The following UFL1 variants were observed in gnomAD, a reference collection of about 807,000 sequenced individuals.
UFL1 encodes the protein E3 UFM1-protein ligase 1.
UFL1 carries 78 observed loss-of-function variants against 99.3 expected under a neutral mutation model. The ratio of observed to expected loss-of-function variants is 0.79; its 90% CI spans 0.65 to 0.95. The LOEUF (loss-of-function observed/expected upper bound fraction) is 0.95, where lower values mean the gene tolerates loss of function less well. UFL1 is among the 40% of genes least tolerant of loss of function. The pLI is 0.00. For synonymous variants in UFL1, 335 were observed against 322.2 expected (o/e 1.04, Z -0.42); for missense variants, 936 against 937.0 (o/e 1.00, Z 0.01).
At chr6:96,535,900 C>T (rs534903657) in intron 7 of UFL1, among the ~76,000 whole-genome samples, 6 of 152,018 alleles carry the variant, frequency 3.9e-5, no homozygotes, top group Admixed American at 6.6e-5. Context: ...AGTGTTTTAT[C>T]ATCTGTTTTT....
intron 5 of UFL1, among the ~76,000 whole-genome samples, chr6:96,527,254 C>G: frequency 6.6e-6 from 1 of 152,234 alleles, no homozygotes; most frequent in Middle Eastern, 3.4e-3. Context: ...TATTTGACAT[C>G]AGGAAAATCA....
chr6:96,532,533 C>T (rs1324017670), intron 6 of UFL1, among the ~76,000 whole-genome samples: 4 of 152,194 alleles, frequency 2.6e-5, no homozygotes, highest in Non-Finnish European at 5.9e-5. Flanking sequence ...GATTAATGCC[C>T]TCCCACCAGG....
intron 10 of UFL1, among the ~76,000 whole-genome samples, chr6:96,539,301 A>G (rs78138615): frequency 1.8e-3 from 274 of 151,738 alleles, no homozygotes; most frequent in Middle Eastern, 3.4e-3. Flanking sequence ...GTATTTTGAA[A>G]TAGAGGTCCT....
At chr6:96,528,979 T>C (rs1305334284) in intron 6 of UFL1, among the ~76,000 whole-genome samples, 2 of 152,222 alleles carry the variant, frequency 1.3e-5, no homozygotes, top group Non-Finnish European at 2.9e-5. Context: ...CAGAAGAATT[T>C]GGTTCATAGC....
At chr6:96,544,291 A>T (rs78226793) in intron 12 of UFL1, among the ~76,000 whole-genome samples, 1 of 150,810 alleles carries the variant, frequency 6.6e-6, no homozygotes, top group Non-Finnish European at 1.5e-5. Flanking sequence ...TACAAGAGAC[A>T]TCTTTTGTTT....
intron 15 of UFL1, among the ~76,000 whole-genome samples, chr6:96,550,189 C>G (rs1411858284): frequency 1.3e-5 from 2 of 151,792 alleles, no homozygotes; most frequent in African/African-American, 2.4e-5. Flanking sequence ...AAACTCTAAT[C>G]TCAAACTAAA....
chr6:96,534,258 T>G lies in UFL1; in HGVS notation c.597-5T>G. On this transcript the variant is annotated splice_region_variant and splice_polypyrimidine_tract_variant and intron_variant, in intron 6 of 18. Coordinates refer to ENST00000369278, the MANE Select transcript of UFL1 (RefSeq NM_015323.5). ...AAGTTTTTTTTTTTTTAACTTTCCA[T>G]AAAGGCCTACAGCTGTGAATTCTTT... 6.6e-7 allele frequency: 1 copy of G among 1,520,608 alleles called. No homozygotes were observed. The highest frequency in any genetic ancestry group is 8.8e-7 in the Non-Finnish European group (1 of 1,140,084). 94.2% of individuals were successfully genotyped at this position (1,520,608 alleles called of 1,614,324 possible).
intron 7 of UFL1, among the ~76,000 whole-genome samples, chr6:96,534,682 T>C (rs956213545): frequency 2.0e-5 from 3 of 151,946 alleles, no homozygotes; most frequent in Non-Finnish European, 2.9e-5. Context: ...TGAAAGTAAA[T>C]TGTGTTTCAC....
At chr6:96,528,768 G>T in intron 6 of UFL1, 136 bp downstream of exon 6, 1 of 1,140,066 alleles carries the variant, frequency 8.8e-7, no homozygotes, top group East Asian at 2.7e-5. Flanking sequence ...AGATAAAAGG[G>T]CAGCTTTTGT....
intron 1 of UFL1, 146 bp downstream of exon 1, chr6:96,522,096 T>C: frequency 1.0e-6 from 1 of 1,005,024 alleles, no homozygotes; most frequent in Admixed American, 2.5e-5. Flanking sequence ...GTCCCGAGCC[T>C]GGATCGCAGT....
chr6:96,545,104 A>G (rs544126484), intron 12 of UFL1, among the ~76,000 whole-genome samples: 7 of 151,160 alleles, frequency 4.6e-5, no homozygotes, highest in African/African-American at 1.7e-4. Flanking sequence ...AACATTAGGA[A>G]TGGACAGCAG....
rs368118548 is a variant in UFL1, at chr6:96,526,335, G to A, written c.365G>A (p.Arg122Gln). 39 of 1,612,408 alleles carry A rather than the reference G, an allele frequency of 2.4e-5. No homozygotes were observed. The highest frequency in any genetic ancestry group is 5.3e-5 in the African/African-American group (4 of 74,778). ...GQLIDENYLD[R>Q]LAEEVNDKLQ... ...TTCACTATTAGGAATTATTTGGATC[G>A]GTTGGCAGAAGAGGTCAATGATAAA... The change falls in exon 5 of 19, where the codon CGG becomes CAG. Residue 122 changes from arginine (R) to glutamine (Q), a missense_variant. Arg to Gln is a conservative substitution (Grantham distance 43). Coordinates refer to ENST00000369278, the MANE Select transcript of UFL1 (RefSeq NM_015323.5).
In UFL1 at chr6:96,549,507, A is replaced by T; in HGVS notation, c.1616A>T (p.Asp539Val). The change falls in exon 14 of 19, where the codon GAC becomes GTC. Residue 539 changes from aspartate to valine, a missense_variant. Physicochemically the swap from Asp to Val is radical, Grantham distance 152. Coordinates refer to ENST00000369278, the MANE Select transcript of UFL1 (RefSeq NM_015323.5). ...SGTGRKRTIKDLQEEVSNLYN... is the reference protein window; with the variant it reads ...SGTGRKRTIKVLQEEVSNLYN... ...ACGGGCAGAAAACGCACAATCAAGG[A>T]CTTGCAAGAAGAAGTTTCAAACCTG... 2 of 1,592,098 alleles carry T rather than the reference A, an allele frequency of 1.3e-6. No homozygotes were observed. The highest frequency in any genetic ancestry group is 1.7e-6 in the Non-Finnish European group (2 of 1,173,528).
intron 5 of UFL1, among the ~76,000 whole-genome samples, chr6:96,527,485 G>C (rs1221100441): frequency 6.6e-6 from 1 of 151,876 alleles, no homozygotes; most frequent in Non-Finnish European, 1.5e-5. Flanking sequence ...AACCGTAATT[G>C]CATGAGATTA....
At chr6:96,545,167 C>T (rs1386425382) in intron 12 of UFL1, among the ~76,000 whole-genome samples, 3 of 150,974 alleles carry the variant, frequency 2.0e-5, no homozygotes, top group Non-Finnish European at 4.5e-5. Context: ...CATGTCAACT[C>T]CTTAGATTTT....
At position 96,552,783 on chromosome 6, in the gene UFL1, C is replaced by G. The variant is rs1013292275; in HGVS notation, c.2166+121C>G. On this transcript the variant is annotated intron_variant, in intron 18 of 18. Transcript: ENST00000369278. ...AATACATTAACATCAAAGCCCATTT[C>G]CAATAATGTGAACAGTGGATTAGGA... The G allele has an allele frequency of 6.8e-6, 6 of 884,984 alleles. No individual in the cohort carries two copies. In the African/African-American group the frequency reaches 8.8e-5, roughly 13 times the overall value. 54.8% of individuals were successfully genotyped at this position (884,984 alleles called of 1,614,324 possible).
intron 4 of UFL1, among the ~76,000 whole-genome samples, chr6:96,526,065 G>A (rs1406707909): frequency 1.3e-5 from 2 of 150,402 alleles, no homozygotes; most frequent in African/African-American, 4.9e-5. Context: ...CAGCCTGGGT[G>A]ACAGAGTGAG....
At chr6:96,534,235 G>A (rs1415379564) in intron 6 of UFL1, 28 bp from the exon 7 acceptor site, 6 of 1,107,660 alleles carry the variant, frequency 5.4e-6, no homozygotes, top group Non-Finnish European at 7.3e-6. Context: ...TGAGTAAGAA[G>A]TTTTTTTTTT....
At chr6:96,539,848 A>C (rs1769905610) in intron 10 of UFL1, among the ~76,000 whole-genome samples, 1 of 151,448 alleles carries the variant, frequency 6.6e-6, no homozygotes, top group Non-Finnish European at 1.5e-5. Flanking sequence ...AATTTGGAAA[A>C]AGGTGATTCT....
Sources: gnomAD v4.1 joint callset for allele counts (sites outside exome capture counted in the v4.1 genomes callset) on GRCh38, gnomAD v4.1.1 for gene constraint, MANE v1.5 for transcripts, NCBI Gene and HGNC (gene_info 2026-07-23, HGNC 2026-07-21) for gene names.